Variants in AGPAT4 observed in about 807,000 individuals in gnomAD.
The protein encoded by AGPAT4 is 1-acylglycerol-3-phosphate O-acyltransferase 4, also known as 1-acyl-sn-glycerol-3-phosphate acyltransferase delta.
AGPAT4 carries 15 observed loss-of-function variants against 48.0 expected under a neutral mutation model. The ratio of observed to expected loss-of-function variants is 0.31; its 90% CI spans 0.21 to 0.48. The LOEUF (loss-of-function observed/expected upper bound fraction) is 0.48, where lower values mean the gene tolerates loss of function less well. AGPAT4 is among the 20% of genes least tolerant of loss of function. AGPAT4 has a pLI of 0.99. For missense variants in AGPAT4, 314 were observed against 482.5 expected, an observed-to-expected ratio of 0.65 and a Z score of 3.27; for synonymous variants, 178 against 198.7, an observed-to-expected ratio of 0.90 and a Z score of 0.88.
In AGPAT4 at chr6:161,235,000, T is replaced by A. The variant is rs913584451; in HGVS notation, c.-89-2698A>T. Among the ~76,000 whole-genome samples, 1 of 151,878 alleles carries A rather than the reference T, an allele frequency of 6.6e-6. No individual in the cohort carries two copies. The highest frequency in any genetic ancestry group is 1.5e-5 in the Non-Finnish European group (1 of 67,988). ...AGTGTAAAGAGGAACCCCAAGCAGATGAGCCTAAAGAGAAATCAGACAAGG... is the reference window on the plus strand; with the variant it reads ...AGTGTAAAGAGGAACCCCAAGCAGAAGAGCCTAAAGAGAAATCAGACAAGG... On this transcript the variant is annotated intron_variant, in intron 1 of 8. Coordinates refer to ENST00000320285, the MANE Select transcript of AGPAT4 (RefSeq NM_020133.3). The surrounding 1 kb of genome is among the most constrained non-coding windows in gnomAD (Gnocchi z 4.4).
chr6:161,255,381 G>T lies in AGPAT4; in HGVS notation c.-90+18557C>A, dbSNP rs183741193. ...ACTCTACTCCTAGGAATCTACTCAG[G>T]AGAAATGAAAACACACATCCACACA... On this transcript the variant is annotated intron_variant, in intron 1 of 8. Transcript: ENST00000320285. The surrounding 1 kb of genome is among the most constrained non-coding windows in gnomAD (Gnocchi z 4.7). Among the ~76,000 whole-genome samples the T allele has an allele frequency of 9.2e-4, 140 of 152,254 alleles. No homozygotes were observed. Among genetic ancestry groups the T allele is most frequent in the African/African-American group, 3.2e-3 (133 of 41,544 alleles).
chr6:161,150,755 C>G (rs953242572), intron 5 of AGPAT4, among the ~76,000 whole-genome samples: 1 of 152,158 alleles, frequency 6.6e-6, no homozygotes, highest in Non-Finnish European at 1.5e-5. Context: ...TGGGAGAGAA[C>G]CTGGATGCTT....
In AGPAT4 at chr6:161,134,029, G is replaced by T. The variant is rs1778985710; in HGVS notation, c.*2511C>A. ...GAGCTTCCGTCCAGGAGTACCCGTG[G>T]TTGTCTGTGTCATTAAGGGCGCAGG... On this transcript the variant is annotated 3_prime_UTR_variant, in exon 9 of 9. Transcript: ENST00000320285. 1 of 152,242 alleles carries T rather than the reference G, an allele frequency of 6.6e-6. No homozygotes were observed. Among genetic ancestry groups the T allele is most frequent in the Non-Finnish European group, 1.5e-5 (1 of 68,094 alleles). The allele number at this position is 152,242 out of a possible 1,614,324, so 9.4% of individuals were successfully genotyped here.
intron 1 of AGPAT4, among the ~76,000 whole-genome samples, chr6:161,273,248 TC>T (rs1783480674): frequency 1.3e-5 from 2 of 152,124 alleles, no homozygotes; most frequent in South Asian, 2.1e-4. Flanking sequence ...ATGGAGAAAT[TC>T]ATAGGCCGAA....
At position 161,138,731 on chromosome 6, in the gene AGPAT4, G is replaced by A. The variant is rs1426621017; in HGVS notation, c.1042+691C>T. 6.6e-6 allele frequency among the ~76,000 whole-genome samples: 1 copy of A among 152,152 alleles called. No homozygotes were observed. The highest frequency in any genetic ancestry group is 1.5e-5 in the Non-Finnish European group (1 of 68,042). ...CTCCCGGGCTCTCCAAAGCCTCAGA[G>A]GACGCCAGGCTTGGGGAGACAGGGC... On this transcript the variant is annotated intron_variant, in intron 8 of 8. Coordinates refer to ENST00000320285, the MANE Select transcript of AGPAT4 (RefSeq NM_020133.3). The surrounding 1 kb of genome is among the most constrained non-coding windows in gnomAD (Gnocchi z 4.8).
rs933036551 is a variant in AGPAT4 at position 161,214,984 on chromosome 6, C to G, written c.178+17052G>C. Among the ~76,000 whole-genome samples the G allele has an allele frequency of 5.3e-5, 8 of 152,128 alleles. No homozygotes were observed. Among genetic ancestry groups the G allele is most frequent in the Non-Finnish European group, 8.8e-5 (6 of 68,028 alleles). ...ACTGAGACAAAGGCAACAGGCCCAT[C>G]TGCAGTTTCAAAAAATCAGACCATA... On this transcript the variant is annotated intron_variant, in intron 2 of 8. Coordinates refer to ENST00000320285, the MANE Select transcript of AGPAT4 (RefSeq NM_020133.3). The surrounding 1 kb of genome is among the most constrained non-coding windows in gnomAD (Gnocchi z 5.4).
At position 161,249,136 on chromosome 6, in the gene AGPAT4, C is replaced by T. The variant is rs934128279; in HGVS notation, c.-89-16834G>A. Reference sequence around the variant, plus strand: ...ATATGCAGAAGATTGAAACTGGACACCTTCCTTATGCCATATACAAAAATT... The same window carrying T: ...ATATGCAGAAGATTGAAACTGGACATCTTCCTTATGCCATATACAAAAATT... On this transcript the variant is annotated intron_variant, in intron 1 of 8. Transcript: ENST00000320285. This position sits in a 1 kb window ranked among gnomAD's most constrained non-coding sequence, Gnocchi z 6.2. 6.6e-6 allele frequency among the ~76,000 whole-genome samples: 1 copy of T among 152,164 alleles called. No homozygotes were observed. The highest frequency in any genetic ancestry group is 2.1e-4 in the South Asian group (1 of 4,826).
Position 161,137,443 on chromosome 6 carries a change from C to T in AGPAT4, c.1043-809G>A, listed in dbSNP as rs931531934. On this transcript the variant is annotated intron_variant, in intron 8 of 8. Transcript: ENST00000320285. The surrounding 1 kb of genome is among the most constrained non-coding windows in gnomAD (Gnocchi z 6.1). ...GATTATCTAGCATTAGCATCGCGGT[C>T]GATAAACTAACTGGGACATGGATGC... Among the ~76,000 whole-genome samples the T allele has an allele frequency of 3.9e-5, 6 of 152,282 alleles. No homozygotes were observed. Among genetic ancestry groups the T allele is most frequent in the East Asian group, 1.9e-4 (1 of 5,186 alleles).
In AGPAT4 at chr6:161,254,184, T is replaced by C. The variant is rs994981637; in HGVS notation, c.-90+19754A>G. 7.2e-5 allele frequency among the ~76,000 whole-genome samples: 11 copies of C among 152,256 alleles called. No homozygotes were observed. The highest frequency in any genetic ancestry group is 2.7e-4 in the African/African-American group (11 of 41,466). On this transcript the variant is annotated intron_variant, in intron 1 of 8. Coordinates refer to ENST00000320285, the MANE Select transcript of AGPAT4 (RefSeq NM_020133.3). This position sits in a 1 kb window ranked among gnomAD's most constrained non-coding sequence, Gnocchi z 5.9. ...CTTTTTTTAAAAAAAGAAAAACTTT[T>C]CTACTGCATTTTTTAAGATCACATG...
Position 161,141,898 on chromosome 6 carries a change from T to G in AGPAT4, c.844-2278A>C, listed in dbSNP as rs1393148700. 6.6e-6 allele frequency among the ~76,000 whole-genome samples: 1 copy of G among 152,222 alleles called. No individual in the cohort carries two copies. The highest frequency in any genetic ancestry group is 1.5e-5 in the Non-Finnish European group (1 of 68,040). On this transcript the variant is annotated intron_variant, in intron 7 of 8. Transcript: ENST00000320285. This position sits in a 1 kb window ranked among gnomAD's most constrained non-coding sequence, Gnocchi z 6.7. ...TATTTTTTGAGACAGAGTCTCACTC[T>G]GTCGCACAGGCTGGAGTGCAATGGC...
chr6:161,199,544 G>A (rs149639535), intron 2 of AGPAT4, among the ~76,000 whole-genome samples: 166 of 152,220 alleles, frequency 1.1e-3, no homozygotes, highest in African/African-American at 3.7e-3. Flanking sequence ...CTGGGGTTAT[G>A]GCCCTGGGCA....
rs919687732 is a variant in AGPAT4 at position 161,161,005 on chromosome 6, C to T, written c.348+5243G>A. The T allele has an allele frequency of 2.7e-5, 12 of 450,418 alleles. No individual in the cohort carries two copies. The highest frequency in any genetic ancestry group is 5.3e-5 in the Non-Finnish European group (12 of 224,504). 27.9% of individuals were successfully genotyped at this position (450,418 alleles called of 1,614,324 possible). ...CACAGGCAGATGGGGCATCAGAGGG[C>T]CCTAAGCACAGAGCACGAAAGGGGG... is the stretch of plus-strand genomic sequence containing the variant. On this transcript the variant is annotated intron_variant, in intron 3 of 8. Coordinates refer to ENST00000320285, the MANE Select transcript of AGPAT4 (RefSeq NM_020133.3). This position sits in a 1 kb window ranked among gnomAD's most constrained non-coding sequence, Gnocchi z 4.6.
Position 161,212,954 on chromosome 6 carries a change from T to C in AGPAT4, c.178+19082A>G, listed in dbSNP as rs1781556499. ...TACCAAGACTTTGACTGTAATGGTG[T>C]GCTTTCCTTTAAGGAATCAAACTTG... On this transcript the variant is annotated intron_variant, in intron 2 of 8. Coordinates refer to ENST00000320285, the MANE Select transcript of AGPAT4 (RefSeq NM_020133.3). The surrounding 1 kb of genome is among the most constrained non-coding windows in gnomAD (Gnocchi z 6.1). Among the ~76,000 whole-genome samples the C allele has an allele frequency of 6.6e-6, 1 of 152,226 alleles. No individual in the cohort carries two copies. Among genetic ancestry groups the C allele is most frequent in the South Asian group, 2.1e-4 (1 of 4,834 alleles).
chr6:161,151,346 C>CG (rs1768127407), intron 5 of AGPAT4, among the ~76,000 whole-genome samples: 1 of 152,246 alleles, frequency 6.6e-6, no homozygotes, highest in African/African-American at 2.4e-5. Context: ...CGCCCGAGAC[C>CG]GGTGTTGGCT....
Position 161,214,537 on chromosome 6 carries a change from A to G in AGPAT4, c.178+17499T>C, listed in dbSNP as rs1781594219. Among the ~76,000 whole-genome samples the G allele has an allele frequency of 6.6e-6, 1 of 152,184 alleles. No homozygotes were observed. Among genetic ancestry groups the G allele is most frequent in the African/African-American group, 2.4e-5 (1 of 41,456 alleles). On this transcript the variant is annotated intron_variant, in intron 2 of 8. Coordinates refer to ENST00000320285, the MANE Select transcript of AGPAT4 (RefSeq NM_020133.3). The surrounding 1 kb of genome is among the most constrained non-coding windows in gnomAD (Gnocchi z 5.4). ...TCCCAGCCCTTTGGGAGGTCAAGGC[A>G]GGCGGATCAATTGAAGTCAGGAGTT...
In AGPAT4 at chr6:161,206,190, A is replaced by G. The variant is rs1384168851; in HGVS notation, c.178+25846T>C. ...GCCCTACACCAACCGAACTCATGGA[A>G]AAACTGTGGCCCTACCCCAACCCCC... On this transcript the variant is annotated intron_variant, in intron 2 of 8. Coordinates refer to ENST00000320285, the MANE Select transcript of AGPAT4 (RefSeq NM_020133.3). The surrounding 1 kb of genome is among the most constrained non-coding windows in gnomAD (Gnocchi z 4.8). Among the ~76,000 whole-genome samples, 2 of 152,166 alleles carry G rather than the reference A, an allele frequency of 1.3e-5. No individual in the cohort carries two copies. The highest frequency in any genetic ancestry group is 2.9e-5 in the Non-Finnish European group (2 of 68,032).
In AGPAT4 at chr6:161,159,833, C is replaced by T. The variant is rs1459637796; in HGVS notation, c.349-5523G>A. On this transcript the variant is annotated intron_variant, in intron 3 of 8. Transcript: ENST00000320285. The surrounding 1 kb of genome is among the most constrained non-coding windows in gnomAD (Gnocchi z 4.1). ...TAATTTTTTGTATTGTTAGTAGAGA[C>T]GGGGTTTCACCATGTTGGCTAGTCT... 1.3e-5 allele frequency among the ~76,000 whole-genome samples: 2 copies of T among 151,204 alleles called. No individual in the cohort carries two copies.
chr6:161,219,872 T>TAGGCAGGCAGGCAGGCAGGC lies in AGPAT4; in HGVS notation c.178+12144_178+12163dup, dbSNP rs554610151. On this transcript the variant is annotated intron_variant, in intron 2 of 8. Coordinates refer to ENST00000320285, the MANE Select transcript of AGPAT4 (RefSeq NM_020133.3). The surrounding 1 kb of genome is among the most constrained non-coding windows in gnomAD (Gnocchi z 4.9). ...ATAGATAGATAGATAGATAGATAGA[T>TAGGCAGGCAGGCAGGCAGGC]AGGCAGGCAGGCAGGCAGGCAGGCA... is the stretch of plus-strand genomic sequence containing the variant. Among the ~76,000 whole-genome samples the TAGGCAGGCAGGCAGGCAGGC allele has an allele frequency of 2.5e-5, 3 of 121,164 alleles. No homozygotes were observed. Among genetic ancestry groups the TAGGCAGGCAGGCAGGCAGGC allele is most frequent in the African/African-American group, 8.5e-5 (3 of 35,236 alleles). 79.5% of individuals were successfully genotyped at this position (121,164 alleles called of 152,430 possible).
At position 161,272,502 on chromosome 6, in the gene AGPAT4, A is replaced by AGGCCCACTAG. The variant is rs1282846352; in HGVS notation, c.-90+1435_-90+1436insCTAGTGGGCC. 1.7e-5 allele frequency among the ~76,000 whole-genome samples: 2 copies of AGGCCCACTAG among 118,120 alleles called. No individual in the cohort carries two copies. The highest frequency in any genetic ancestry group is 5.0e-4 in the East Asian group (2 of 4,032). The allele number at this position is 118,120 out of a possible 152,430, so 77.5% of individuals were successfully genotyped here. On this transcript the variant is annotated intron_variant, in intron 1 of 8. Coordinates refer to ENST00000320285, the MANE Select transcript of AGPAT4 (RefSeq NM_020133.3). This position sits in a 1 kb window ranked among gnomAD's most constrained non-coding sequence, Gnocchi z 4.2. ...ATCAGTTTAGCCGGTACCTGTTAAG[A>AGGCCCACTAG]GGCTATGTCTTTCTAAGAGATGTGT...
Sources: gnomAD v4.1 joint callset for allele counts (sites outside exome capture counted in the v4.1 genomes callset) on GRCh38, gnomAD v4.1.1 for gene constraint, Gnocchi (gnomAD v3.1) non-coding constraint, MANE v1.5 for transcripts, NCBI Gene and HGNC (gene_info 2026-07-23, HGNC 2026-07-21) for gene names.